Variants in ADAMTS4 observed in about 807,000 individuals in gnomAD.
ADAMTS4 encodes the protein A disintegrin and metalloproteinase with thrombospondin motifs 4.
In ADAMTS4, 38 loss-of-function variants were observed where a neutral mutation model predicts 66.7. The ratio of observed to expected loss-of-function variants is 0.57; its 90% CI spans 0.44 to 0.75. The LOEUF is 0.75. Among genes scored for constraint, ADAMTS4 ranks in the 30% least tolerant of loss-of-function variants. ADAMTS4 has a pLI of 0.00. For missense variants in ADAMTS4, 1,014 were observed against 1,116.7 expected, an observed-to-expected ratio of 0.91 and a Z score of 1.31; for synonymous variants, 418 against 461.5, an observed-to-expected ratio of 0.91 and a Z score of 1.21.
At position 161,189,267 on chromosome 1, in the gene ADAMTS4, G is replaced by C. The variant is rs1007327166; in HGVS notation, c.*1871C>G. 1 of 151,976 alleles carries C rather than the reference G, an allele frequency of 6.6e-6. No homozygotes were observed. Among genetic ancestry groups the C allele is most frequent in the African/African-American group, 2.4e-5 (1 of 41,356 alleles). The allele number at this position is 151,976 out of a possible 1,614,324, so 9.4% of individuals were successfully genotyped here. A position where few individuals can be genotyped will look rare whatever the true frequency, so the allele number is the denominator to read the frequency against. On this transcript the variant is annotated 3_prime_UTR_variant, in exon 9 of 9. Coordinates refer to ENST00000367996, the MANE Select transcript of ADAMTS4 (RefSeq NM_005099.6). ...GTTAGTCCCATATGAGCAATCTAAG[G>C]CTCAGCATCAGTGACTTACCCAACA...
rs1558073017 is a variant in ADAMTS4, at chr1:161,191,237, CG to C, written c.2414del (p.Pro805ArgfsTer63). 6 of 1,613,208 alleles carry C rather than the reference CG, an allele frequency of 3.7e-6. No homozygotes were observed. Among genetic ancestry groups the C allele is most frequent in the Admixed American group, 1.7e-5 (1 of 60,000 alleles). ...GAGTGGGGCGTGGCGTTGAAGGGGT[CG>C]GCCGGGGCACGAAGAAGCTGTATCG... ...RLRYSFFVPR[P>X]TPSTPRPTPQ... On this transcript the variant is annotated frameshift_variant, in exon 9 of 9. Coordinates refer to ENST00000367996, the MANE Select transcript of ADAMTS4 (RefSeq NM_005099.6). LOFTEE classifies it high-confidence loss of function.
In ADAMTS4 at chr1:161,193,912, C is replaced by T. The variant is rs1664748158; in HGVS notation, c.1548+23G>A. Reference sequence around the variant, plus strand: ...TCCCCACACCCCCGGGCCCTTTACCCCACCCCTGCCCTAGGATCTCACATT... The same window carrying T: ...TCCCCACACCCCCGGGCCCTTTACCTCACCCCTGCCCTAGGATCTCACATT... On this transcript the variant is annotated intron_variant, in intron 5 of 8. Coordinates refer to ENST00000367996, the MANE Select transcript of ADAMTS4 (RefSeq NM_005099.6). This position sits in a 1 kb window ranked among gnomAD's most constrained non-coding sequence, Gnocchi z 4.4. 6.4e-7 allele frequency: 1 copy of T among 1,563,034 alleles called. No individual in the cohort carries two copies. The highest frequency in any genetic ancestry group is 1.8e-5 in the Admixed American group (1 of 55,214).
At position 161,198,077 on chromosome 1, in the gene ADAMTS4, T is replaced by C. The variant is rs540420970; in HGVS notation, c.551A>G (p.Lys184Arg). 44 of 1,612,118 alleles carry C rather than the reference T, an allele frequency of 2.7e-5. 1 individual carries two copies. The South Asian group carries it at 4.7e-4, about 17-fold the overall frequency. Residue 184 changes from lysine (K) to arginine (R), a missense_variant, in exon 1 of 9, where the codon AAG becomes AGG. Lys to Arg is a conservative substitution (Grantham distance 26). Transcript: ENST00000367996. The surrounding 1 kb of genome is among the most constrained non-coding windows in gnomAD (Gnocchi z 4.7). The stretch of plus-strand genomic sequence containing the variant: ...GGGACCTTGACCGCTGGCAGGACTC[T>C]TCCGGCGTAGGATGTGAGCCCCAGG... Reference protein sequence around the residue: ...GGPGAHILRRKSPASGQGPMC... With the variant: ...GGPGAHILRRRSPASGQGPMC...
In ADAMTS4 at chr1:161,193,291, T is replaced by C; in HGVS notation, c.1833A>G (p.Thr611=). The change falls in exon 7 of 9, where the codon ACA becomes ACG. Residue 611 remains threonine (T), a synonymous_variant. Transcript: ENST00000367996. The surrounding 1 kb of genome is among the most constrained non-coding windows in gnomAD (Gnocchi z 4.4). The stretch of plus-strand genomic sequence containing the variant: ...TGCACTGGTCCTGGGGGGCCACGCC[T>C]GTGTAGCGAGGAACCCAGTCCATGG... ...PGPMDWVPRY[T]GVAPQDQCKL... The C allele has an allele frequency of 6.2e-7, 1 of 1,614,056 alleles. No individual in the cohort carries two copies. The highest frequency in any genetic ancestry group is 8.5e-7 in the Non-Finnish European group (1 of 1,179,992).
Position 161,191,451 on chromosome 1 carries a change from C to A in ADAMTS4, c.2201G>T (p.Gly734Val). ...SIYLALKLPDGSYALNGEYTL... is the reference protein window; with the variant it reads ...SIYLALKLPDVSYALNGEYTL... The stretch of plus-strand genomic sequence containing the variant: ...GTATTCACCATTGAGGGCATAGGAG[C>A]CATCTGGCAGCTTCAGGGCCAAGTA... Residue 734 changes from glycine to valine, a missense_variant, in exon 9 of 9, where the codon GGC (glycine) becomes GTC (valine). Gly to Val is a moderately radical substitution (Grantham distance 109). Transcript: ENST00000367996. 2 of 1,614,166 alleles carry A rather than the reference C, an allele frequency of 1.2e-6. No individual in the cohort carries two copies. Among genetic ancestry groups the A allele is most frequent in the Non-Finnish European group, 1.7e-6 (2 of 1,180,006 alleles).
chr1:161,196,295 A>T lies in ADAMTS4; in HGVS notation c.966T>A (p.Cys322Ter). The T allele has an allele frequency of 1.2e-6, 2 of 1,611,316 alleles. No individual in the cohort carries two copies. Among genetic ancestry groups the T allele is most frequent in the Non-Finnish European group, 1.7e-6 (2 of 1,178,598 alleles). Residue 322 changes from cysteine (C) to a stop codon, truncating the protein, a stop_gained, in exon 3 of 9, where the codon TGT (cysteine) becomes TGA (stop). Coordinates refer to ENST00000367996, the MANE Select transcript of ADAMTS4 (RefSeq NM_005099.6). LOFTEE classifies it high-confidence loss of function. ...CCAGCGTGTCGCAAGTGGAGACTCC[A>T]CACAGGTCCTGTGGAGAGGGATCAT... ...TAILFTRQDL[C>*]GVSTCDTLGM...
chr1:161,193,403 C>T lies in ADAMTS4; in HGVS notation c.1736-15G>A, dbSNP rs769980910. 1.2e-6 allele frequency: 2 copies of T among 1,609,240 alleles called. No individual in the cohort carries two copies. The highest frequency in any genetic ancestry group is 2.2e-5 in the East Asian group (1 of 44,748). ...GAAGGTCAGGGCTGGAGGGGTAAAA[C>T]AGTCAGAGCCCCTCCTTCCTTCCTC... On this transcript the variant is annotated splice_polypyrimidine_tract_variant and intron_variant, in intron 6 of 8. Transcript: ENST00000367996. The surrounding 1 kb of genome is among the most constrained non-coding windows in gnomAD (Gnocchi z 4.4).
At chr1:161,197,176 C>T in intron 1 of ADAMTS4, 1 of 357,378 alleles carries the variant, frequency 2.8e-6, no homozygotes, top group South Asian at 3.4e-5. Context: ...GCCTGGACTG[C>T]CGTCAGGAGG....
At position 161,194,096 on chromosome 1, in the gene ADAMTS4, G is replaced by A; in HGVS notation, c.1387C>T (p.Leu463=). ...FGPDSRHCPQ[L]PPPCAALWCS... is the part of the protein sequence containing the mutation. ...CAGAGGGCAGCACAGGGCGGCGGCAGCTGTGGACAATGGCGTGAGTCGGGC... is the reference window on the plus strand; with the variant it reads ...CAGAGGGCAGCACAGGGCGGCGGCAACTGTGGACAATGGCGTGAGTCGGGC... The change falls in exon 5 of 9, where the codon CTG becomes TTG. Residue 463 remains leucine, a synonymous_variant. Transcript: ENST00000367996. This position sits in a 1 kb window ranked among gnomAD's most constrained non-coding sequence, Gnocchi z 4.1. 1 of 1,614,262 alleles carries A rather than the reference G, an allele frequency of 6.2e-7. No individual in the cohort carries two copies. The highest frequency in any genetic ancestry group is 1.6e-4 in the Middle Eastern group (1 of 6,062).
chr1:161,187,937 C>T lies in ADAMTS4; in HGVS notation c.*3201G>A, dbSNP rs1305549135. ...CCATCCATGACACATAGAGGACTGC[C>T]CAAGTTCTTTTTTTTTTTTTTTTTT... On this transcript the variant is annotated 3_prime_UTR_variant, in exon 9 of 9. Transcript: ENST00000367996. 2 of 152,314 alleles carry T rather than the reference C, an allele frequency of 1.3e-5. No individual in the cohort carries two copies. 9.4% of individuals were successfully genotyped at this position (152,314 alleles called of 1,614,324 possible).
rs754671140 is a variant in ADAMTS4 at position 161,187,535 on chromosome 1, C to G, written c.*3603G>C. On this transcript the variant is annotated 3_prime_UTR_variant, in exon 9 of 9. Transcript: ENST00000367996. ...TTCTCATTGCTGCAGAGGAAGCAGG[C>G]GCTGTGCTGGCTGGTGTAGAGTACA... 1 of 152,366 alleles carries G rather than the reference C, an allele frequency of 6.6e-6. No individual in the cohort carries two copies. The highest frequency in any genetic ancestry group is 1.5e-5 in the Non-Finnish European group (1 of 68,200). The allele number at this position is 152,366 out of a possible 1,614,324, so 9.4% of individuals were successfully genotyped here.
In ADAMTS4 at chr1:161,193,536, C is replaced by G; in HGVS notation, c.1735+104G>C. On this transcript the variant is annotated intron_variant, in intron 6 of 8. Coordinates refer to ENST00000367996, the MANE Select transcript of ADAMTS4 (RefSeq NM_005099.6). The surrounding 1 kb of genome is among the most constrained non-coding windows in gnomAD (Gnocchi z 4.4). Reference sequence around the variant, plus strand: ...ATTCCCAGAGGTTAAAGGCACTCCCCACAGCAGCAGGGGAATCAACACCCC... The same window carrying G: ...ATTCCCAGAGGTTAAAGGCACTCCCGACAGCAGCAGGGGAATCAACACCCC... 6.6e-7 allele frequency: 1 copy of G among 1,520,856 alleles called. No homozygotes were observed. Among genetic ancestry groups the G allele is most frequent in the Non-Finnish European group, 8.9e-7 (1 of 1,126,012 alleles). 94.2% of individuals were successfully genotyped at this position (1,520,856 alleles called of 1,614,324 possible). A position where few individuals can be genotyped will look rare whatever the true frequency, so the allele number is the denominator to read the frequency against.
At position 161,188,986 on chromosome 1, in the gene ADAMTS4, G is replaced by A. The variant is rs553284269; in HGVS notation, c.*2152C>T. 37 of 148,418 alleles carry A rather than the reference G, an allele frequency of 2.5e-4. 1 individual carries two copies. The highest frequency in any genetic ancestry group is 8.2e-4 in the African/African-American group (33 of 40,280). 9.2% of individuals were successfully genotyped at this position (148,418 alleles called of 1,614,324 possible). On this transcript the variant is annotated 3_prime_UTR_variant, in exon 9 of 9. Transcript: ENST00000367996. ...TCTCAATCTCCTGACCTCGTGATCCGCCCATTTCGGCCTCCCAAAGTGCTG... is the reference window on the plus strand; with the variant it reads ...TCTCAATCTCCTGACCTCGTGATCCACCCATTTCGGCCTCCCAAAGTGCTG...
chr1:161,191,540 A>G lies in ADAMTS4; in HGVS notation c.2112T>C (p.Thr704=). The part of the protein sequence containing the change: ...KFRYGYNNVV[T]IPAGATHILV... ...GAATGTGGGTGGCCCCCGCGGGGAT[A>G]GTGACCACATTGTTGTATCCGTACC... Residue 704 remains threonine (T), a synonymous_variant, in exon 9 of 9, where the codon ACT becomes ACC. Transcript: ENST00000367996. The G allele has an allele frequency of 6.2e-7, 1 of 1,612,864 alleles. No individual in the cohort carries two copies. The highest frequency in any genetic ancestry group is 1.1e-5 in the South Asian group (1 of 90,942).
chr1:161,195,091 A>G (rs2102014391), intron 4 of ADAMTS4, among the ~76,000 whole-genome samples: 1 of 152,352 alleles, frequency 6.6e-6, no homozygotes, highest in Non-Finnish European at 1.5e-5. Context: ...AACCAACTAT[A>G]GAATATTTGA....
Position 161,196,564 on chromosome 1 carries a change from G to A in ADAMTS4, c.950C>T (p.Thr317Ile), listed in dbSNP as rs1355620120. Residue 317 changes from threonine (T) to isoleucine (I), a missense_variant, in exon 2 of 9, where the codon ACC becomes ATC. Transcript: ENST00000367996. ...PDHFDTAILFTRQDLCGVSTC... is the reference protein window; with the variant it reads ...PDHFDTAILFIRQDLCGVSTC... ...TGCTGACTGGGGCCTCACCTGACGG[G>A]TAAACAGAATGGCTGTGTCAAAGTG... 4 of 1,614,040 alleles carry A rather than the reference G, an allele frequency of 2.5e-6. No individual in the cohort carries two copies. The highest frequency in any genetic ancestry group is 3.4e-6 in the Non-Finnish European group (4 of 1,180,012).
rs1444404337 is a variant in ADAMTS4, at chr1:161,193,929, T to A, written c.1548+6A>T. The A allele has an allele frequency of 1.3e-6, 2 of 1,571,134 alleles. No homozygotes were observed. Among genetic ancestry groups the A allele is most frequent in the Non-Finnish European group, 8.7e-7 (1 of 1,155,726 alleles). On this transcript the variant is annotated splice_donor_region_variant and intron_variant, in intron 5 of 8. Transcript: ENST00000367996. The surrounding 1 kb of genome is among the most constrained non-coding windows in gnomAD (Gnocchi z 4.4). ...CCTTTACCCCACCCCTGCCCTAGGA[T>A]CTCACATTGAAGTCCTGGAGCTGGT... is the stretch of plus-strand genomic sequence containing the variant.
In ADAMTS4 at chr1:161,189,083, T is replaced by C. The variant is rs559278326; in HGVS notation, c.*2055A>G. The C allele has an allele frequency of 2.6e-5, 4 of 151,868 alleles. No homozygotes were observed. The East Asian group carries it at 7.8e-4, about 29-fold the overall frequency. 9.4% of individuals were successfully genotyped at this position (151,868 alleles called of 1,614,324 possible). A position where few individuals can be genotyped will look rare whatever the true frequency, so the allele number is the denominator to read the frequency against. On this transcript the variant is annotated 3_prime_UTR_variant, in exon 9 of 9. Transcript: ENST00000367996. The stretch of plus-strand genomic sequence containing the variant: ...AATTTTATTCTAATCTCACATCTTC[T>C]AGGCATTCTGCTGGGTTTACACTGG...
rs780048950 is a variant in ADAMTS4, at chr1:161,196,162, C to G, written c.1090+9G>C. 5 of 1,587,246 alleles carry G rather than the reference C, an allele frequency of 3.2e-6. No homozygotes were observed. Among genetic ancestry groups the G allele is most frequent in the East Asian group, 4.5e-5 (2 of 44,484 alleles). ...TCCCTAATACCTTTCTCATCCACCCCTACTTTACCCAGTTCATGAGCAGCA... is the reference window on the plus strand; with the variant it reads ...TCCCTAATACCTTTCTCATCCACCCGTACTTTACCCAGTTCATGAGCAGCA... On this transcript the variant is annotated intron_variant, in intron 3 of 8. Transcript: ENST00000367996.
Sources: allele counts gnomAD v4.1 joint callset (sites outside exome capture counted in the v4.1 genomes callset), GRCh38; gene constraint gnomAD v4.1.1; non-coding constraint Gnocchi (gnomAD v3.1); transcripts MANE v1.5; gene names NCBI Gene and HGNC (gene_info 2026-07-23, HGNC 2026-07-21).